PDCD6: variants seen among roughly 807,000 people sequenced by gnomAD.
PDCD6 encodes the protein programmed cell death 6.
A neutral mutation model predicts 28.3 loss-of-function variants in PDCD6; 12 were observed. The ratio of observed to expected loss-of-function variants is 0.42; its 90% CI spans 0.27 to 0.69. The LOEUF (loss-of-function observed/expected upper bound fraction) is 0.69. Among genes scored for constraint, PDCD6 ranks in the 30% least tolerant of loss-of-function variants. The pLI is 0.22. For synonymous variants in PDCD6, 92 were observed against 108.0 expected (o/e 0.85, Z 0.92); for missense variants, 226 against 269.9 (o/e 0.84, Z 1.14).
At position 307,018 on chromosome 5, in the gene PDCD6, GT is replaced by G. The variant is rs1266109250; in HGVS notation, c.367+259del. 6.6e-6 allele frequency among the ~76,000 whole-genome samples: 1 copy of G among 152,200 alleles called. No homozygotes were observed. On this transcript the variant is annotated intron_variant, in intron 4 of 5. Transcript: ENST00000264933. This position sits in a 1 kb window ranked among gnomAD's most constrained non-coding sequence, Gnocchi z 6.1. The stretch of plus-strand genomic sequence containing the variant: ...ATCTTTTCTGAAGTGGAATGATGTC[GT>G]GAGCAAAACTGAGAATGTGGCTTTT...
At chr5:276,938 C>G in intron 2 of PDCD6, 16 of 985,176 alleles carry the variant, frequency 1.6e-5, no homozygotes, top group Non-Finnish European at 1.9e-5. Flanking sequence ...ATGTTCCAAA[C>G]TATCTTGAGT....
intron 2 of PDCD6, among the ~76,000 whole-genome samples, chr5:297,902 C>A (rs749397326): frequency 1.3e-5 from 2 of 152,112 alleles, no homozygotes; most frequent in Non-Finnish European, 2.9e-5. Context: ...AAAAGAAAAT[C>A]GACTTATGTT....
In PDCD6 at chr5:314,769, GGCATTCT is replaced by G. The variant is rs1741161214; in HGVS notation, c.*257_*263del. 1.8e-6 allele frequency: 1 copy of G among 559,984 alleles called. No individual in the cohort carries two copies. Among genetic ancestry groups the G allele is most frequent in the Non-Finnish European group, 3.3e-6 (1 of 304,328 alleles). The allele number at this position is 559,984 out of a possible 1,614,324, so 34.7% of individuals were successfully genotyped here. On this transcript the variant is annotated 3_prime_UTR_variant, in exon 6 of 6. Transcript: ENST00000264933. ...GCCATGAGGTAAATGTAATGTTTCA[GGCATTCT>G]GCTTGCAAAAAAATCTATCATGTGC...
rs1469927768 is a variant in PDCD6, at chr5:305,915, C to T, written c.209-687C>T. On this transcript the variant is annotated intron_variant, in intron 3 of 5. Transcript: ENST00000264933. The surrounding 1 kb of genome is among the most constrained non-coding windows in gnomAD (Gnocchi z 4.0). Reference sequence around the variant, plus strand: ...AACCAGGAGTAGTCTTATTGCAGTCCTGTATTAACCTCTGTTCTTGAAAAG... The same window carrying T: ...AACCAGGAGTAGTCTTATTGCAGTCTTGTATTAACCTCTGTTCTTGAAAAG... 2 of 152,572 alleles carry T rather than the reference C, an allele frequency of 1.3e-5. No individual in the cohort carries two copies. Among genetic ancestry groups the T allele is most frequent in the Non-Finnish European group, 2.9e-5 (2 of 68,362 alleles). 9.5% of individuals were successfully genotyped at this position (152,572 alleles called of 1,614,324 possible).
At chr5:297,827 T>A (rs1739715935) in intron 2 of PDCD6, among the ~76,000 whole-genome samples, 1 of 152,244 alleles carries the variant, frequency 6.6e-6, no homozygotes, top group Admixed American at 6.5e-5. Flanking sequence ...TATCAGTAAT[T>A]TGAAGTCCTT....
chr5:291,508 CCT>C (rs2126722328), intron 2 of PDCD6, among the ~76,000 whole-genome samples: 1 of 150,804 alleles, frequency 6.6e-6, no homozygotes, highest in East Asian at 2.0e-4. Context: ...CCATTCTCTC[CCT>C]GAGACCCACC....
chr5:311,530 G>A lies in PDCD6; in HGVS notation c.477+128G>A, dbSNP rs1366338665. On this transcript the variant is annotated intron_variant, in intron 5 of 5. Coordinates refer to ENST00000264933, the MANE Select transcript of PDCD6 (RefSeq NM_013232.4). ...ATTAGTTTTTGGAGCTTATAAAAGT[G>A]AGTCTCATCTTTGGAGAAGTAGCCG... is the stretch of plus-strand genomic sequence containing the variant. 8 of 649,954 alleles carry A rather than the reference G, an allele frequency of 1.2e-5. No individual in the cohort carries two copies. The East Asian group carries it at 1.9e-4, about 16-fold the overall frequency. The allele number at this position is 649,954 out of a possible 1,614,324, so 40.3% of individuals were successfully genotyped here.
chr5:296,938 T>G (rs578164816), intron 2 of PDCD6, among the ~76,000 whole-genome samples: 2 of 152,056 alleles, frequency 1.3e-5, no homozygotes, highest in African/African-American at 4.8e-5. Context: ...ATCCACACAG[T>G]TGAATCTCAT....
chr5:298,007 G>A (rs1739728010), intron 2 of PDCD6, among the ~76,000 whole-genome samples: 1 of 152,260 alleles, frequency 6.6e-6, no homozygotes, highest in East Asian at 1.9e-4. Context: ...ATAAATATAA[G>A]GTTAGATCCA....
chr5:272,835 G>A (rs753009647), intron 2 of PDCD6, 63 bp downstream of exon 2: 4 of 1,551,244 alleles, frequency 2.6e-6, no homozygotes, highest in Non-Finnish European at 3.5e-6. Flanking sequence ...CCTGTTCACA[G>A]TGGATAACTT....
intron 2 of PDCD6, among the ~76,000 whole-genome samples, chr5:288,502 C>G (rs528286403): frequency 9.3e-5 from 14 of 151,012 alleles, no homozygotes; most frequent in Non-Finnish European, 1.9e-4. Flanking sequence ...ATGTGATAAT[C>G]TCAAAAAACT....
chr5:272,936 C>T, intron 2 of PDCD6, 164 bp downstream of exon 2: 1 of 1,313,320 alleles, frequency 7.6e-7, no homozygotes, highest in Non-Finnish European at 1.0e-6. Context: ...TATTTTGTGG[C>T]TACCGCTGTT....
intron 2 of PDCD6, among the ~76,000 whole-genome samples, chr5:291,534 C>T (rs1254573389): frequency 3.1e-4 from 38 of 122,586 alleles, no homozygotes; most frequent in South Asian, 2.4e-3. Flanking sequence ...ACTGACATGG[C>T]TCATTTTCAT....
In PDCD6 at chr5:307,303, GGCAGAACGC is replaced by G. The variant is rs1740580990; in HGVS notation, c.367+545_367+553del. 5.6e-5 allele frequency among the ~76,000 whole-genome samples: 6 copies of G among 107,436 alleles called. No individual in the cohort carries two copies. The South Asian group carries it at 1.6e-3, about 29-fold the overall frequency. 70.5% of individuals were successfully genotyped at this position (107,436 alleles called of 152,430 possible). ...GCCGTGCGCCTCAGAAGGGGCGTTA[GGCAGAACGC>G]GTGCCCATTCTCAGGTGTGCTCGGC... On this transcript the variant is annotated intron_variant, in intron 4 of 5. Transcript: ENST00000264933. The surrounding 1 kb of genome is among the most constrained non-coding windows in gnomAD (Gnocchi z 6.1).
At chr5:280,392 AG>A (rs976482289) in intron 2 of PDCD6, among the ~76,000 whole-genome samples, 1 of 135,512 alleles carries the variant, frequency 7.4e-6, no homozygotes, top group African/African-American at 2.8e-5. Flanking sequence ...GGCATTTAAG[AG>A]GGGAGACCAT....
intron 4 of PDCD6, chr5:309,636 CCAGTGAGGGCCGCCGTCCCCGTGCACA>C (rs1403666228): frequency 1.8e-5 from 3 of 166,608 alleles, no homozygotes; most frequent in African/African-American, 3.9e-5. Flanking sequence ...CCCGTGCACA[CCAGTGAGGGCCGCCGTCCCCGTGCACA>C]CCAGTGAGGG....
chr5:279,801 AAAAAACG>A (rs1281958513), intron 2 of PDCD6, among the ~76,000 whole-genome samples: 1 of 148,366 alleles, frequency 6.7e-6, no homozygotes, highest in African/African-American at 2.6e-5. Context: ...AAAAAAAAAA[AAAAAACG>A]AGGAGCCGGT....
At chr5:274,630 T>C (rs1352624826) in intron 2 of PDCD6, among the ~76,000 whole-genome samples, 2 of 152,206 alleles carry the variant, frequency 1.3e-5, no homozygotes, top group African/African-American at 4.8e-5. Context: ...GGTTTTCCAT[T>C]ACCTGATGAT....
Position 307,247 on chromosome 5 carries a change from GT to G in PDCD6, c.367+488del, listed in dbSNP as rs1740569321. Among the ~76,000 whole-genome samples the G allele has an allele frequency of 8.4e-6, 1 of 118,408 alleles. No individual in the cohort carries two copies. The highest frequency in any genetic ancestry group is 2.4e-4 in the South Asian group (1 of 4,106). The allele number at this position is 118,408 out of a possible 152,430, so 77.7% of individuals were successfully genotyped here. A position where few individuals can be genotyped will look rare whatever the true frequency, so the allele number is the denominator to read the frequency against. ...TGCTCGGCGTGTGTGTGCTCGGCGTGTGTGTGCTCGGCGTGTGTGTGCACAC... is the reference window on the plus strand; with the variant it reads ...TGCTCGGCGTGTGTGTGCTCGGCGTGGTGTGCTCGGCGTGTGTGTGCACAC... On this transcript the variant is annotated intron_variant, in intron 4 of 5. Coordinates refer to ENST00000264933, the MANE Select transcript of PDCD6 (RefSeq NM_013232.4). The surrounding 1 kb of genome is among the most constrained non-coding windows in gnomAD (Gnocchi z 6.1).
Sources: gnomAD v4.1 joint callset for allele counts (sites outside exome capture counted in the v4.1 genomes callset) on GRCh38, gnomAD v4.1.1 for gene constraint, Gnocchi (gnomAD v3.1) non-coding constraint, MANE v1.5 for transcripts, NCBI Gene and HGNC (gene_info 2026-07-23, HGNC 2026-07-21) for gene names.